PDZD2: variants seen among roughly 807,000 people sequenced by gnomAD.
The protein encoded by PDZD2 is PDZ domain containing 2.
In PDZD2, 90 loss-of-function variants were observed where a neutral mutation model predicts 220.7. The ratio of observed to expected loss-of-function variants is 0.41; its 90% confidence interval spans 0.34 to 0.49. The LOEUF is 0.49. Among genes scored for constraint, PDZD2 ranks in the 20% least tolerant of loss-of-function variants. The probability of loss-of-function intolerance (pLI) is 0.28; values close to 1 mark genes in which losing one functional copy is unlikely to be tolerated. For missense variants in PDZD2, 3,174 were observed against 3,608.5 expected (o/e 0.88, Z 3.08); for synonymous variants, 1,375 against 1,450.5 (o/e 0.95, Z 1.18).
At chr5:31,640,037 TCTCTG>T (rs1744888823) in intron 1 of PDZD2, among the ~76,000 whole-genome samples, 1 of 145,830 alleles carries the variant, frequency 6.9e-6, no homozygotes, top group Non-Finnish European at 1.5e-5. Context: ...TCCTGCTCTC[TCTCTG>T]AAGTCGAGTT....
intron 24 of PDZD2, among the ~76,000 whole-genome samples, chr5:32,104,309 G>A (rs1395504110): frequency 1.3e-5 from 2 of 152,002 alleles, no homozygotes; most frequent in African/African-American, 4.8e-5. Flanking sequence ...AATATAGCAA[G>A]ACTGATTTCT....
chr5:31,701,668 G>T (rs1353308251), intron 1 of PDZD2, among the ~76,000 whole-genome samples: 1 of 152,100 alleles, frequency 6.6e-6, no homozygotes, highest in Admixed American at 6.5e-5. Context: ...TGTGCATGGG[G>T]CGACCAGTCC....
intron 2 of PDZD2, among the ~76,000 whole-genome samples, chr5:31,919,489 G>A (rs1285376133): frequency 6.6e-6 from 1 of 151,954 alleles, no homozygotes; most frequent in Non-Finnish European, 1.5e-5. Flanking sequence ...TAGGATTACA[G>A]GCACACGCCA....
chr5:31,698,405 T>C (rs1447910981), intron 1 of PDZD2, among the ~76,000 whole-genome samples: 2 of 147,080 alleles, frequency 1.4e-5, no homozygotes, highest in Admixed American at 6.8e-5. Context: ...ACCATCCTGG[T>C]TAACACGGTG....
At chr5:31,968,066 T>G (rs66819843) in intron 2 of PDZD2, among the ~76,000 whole-genome samples, 2 of 152,008 alleles carry the variant, frequency 1.3e-5, no homozygotes. Flanking sequence ...GCAAAAGTAT[T>G]TGGAGGTGAG....
intron 1 of PDZD2, among the ~76,000 whole-genome samples, chr5:31,768,172 A>C (rs556255983): frequency 6.6e-6 from 1 of 152,290 alleles, no homozygotes; most frequent in South Asian, 2.1e-4. Flanking sequence ...AGGTTTAGCA[A>C]CAGCACGCTG....
At chr5:31,937,575 A>T (rs1745868758) in intron 2 of PDZD2, among the ~76,000 whole-genome samples, 1 of 152,044 alleles carries the variant, frequency 6.6e-6, no homozygotes. Flanking sequence ...GGGCTGGGGG[A>T]TGGCTGTGTT....
At chr5:31,711,319 G>A (rs1052441911) in intron 1 of PDZD2, among the ~76,000 whole-genome samples, 2 of 152,156 alleles carry the variant, frequency 1.3e-5, no homozygotes, top group African/African-American at 4.8e-5. Flanking sequence ...ACTGTGCCCC[G>A]AGCTACTGTG....
intron 2 of PDZD2, among the ~76,000 whole-genome samples, chr5:31,967,049 T>C (rs1748824460): frequency 6.6e-6 from 1 of 152,182 alleles, no homozygotes; most frequent in African/African-American, 2.4e-5. Flanking sequence ...GTGAAGTAAA[T>C]TCAGAAAAGA....
intron 2 of PDZD2, among the ~76,000 whole-genome samples, chr5:31,975,043 A>C (rs1749625542): frequency 6.6e-6 from 1 of 152,266 alleles, no homozygotes; most frequent in African/African-American, 2.4e-5. Flanking sequence ...TTATTTCTTC[A>C]CTCAGCGTGT....
At chr5:31,854,830 A>T in intron 2 of PDZD2, 1 of 262,476 alleles carries the variant, frequency 3.8e-6, no homozygotes, top group Non-Finnish European at 5.9e-6. Context: ...TGGGGTTTTG[A>T]CAAGTGAGCA....
chr5:31,908,535 C>T, intron 2 of PDZD2: 1 of 1,058,838 alleles, frequency 9.4e-7, no homozygotes, highest in Non-Finnish European at 1.4e-6. Flanking sequence ...AGGGCGAGGG[C>T]ACGGAAAGCA....
chr5:31,920,965 C>T (rs918707192), intron 2 of PDZD2, among the ~76,000 whole-genome samples: 9 of 152,174 alleles, frequency 5.9e-5, no homozygotes, highest in African/African-American at 1.9e-4. Context: ...TTTTCAGTGT[C>T]ATGTAATACT....
At chr5:32,040,102 T>A in intron 7 of PDZD2, among the ~76,000 whole-genome samples, 1 of 140,642 alleles carries the variant, frequency 7.1e-6, no homozygotes. Flanking sequence ...TGCCACCCCA[T>A]CTGGGAAATG....
At chr5:31,687,582 C>T (rs573018823) in intron 1 of PDZD2, among the ~76,000 whole-genome samples, 147 of 152,300 alleles carry the variant, frequency 9.7e-4, no homozygotes, top group African/African-American at 3.4e-3. Context: ...GTTACAGCAG[C>T]ACCCCACTTC....
chr5:31,834,644 A>T (rs1756832726), intron 2 of PDZD2, among the ~76,000 whole-genome samples: 1 of 150,464 alleles, frequency 6.6e-6, no homozygotes, highest in Non-Finnish European at 1.5e-5. Flanking sequence ...AGATGACCTC[A>T]GCTTGTGGAG....
At chr5:31,709,001 C>T (rs1747960335) in intron 1 of PDZD2, among the ~76,000 whole-genome samples, 1 of 151,924 alleles carries the variant, frequency 6.6e-6, no homozygotes, top group Non-Finnish European at 1.5e-5. Context: ...GATTCTCCTG[C>T]CTCAGCCTCC....
chr5:31,650,474 T>A (rs1410555743), intron 1 of PDZD2, among the ~76,000 whole-genome samples: 1 of 151,998 alleles, frequency 6.6e-6, no homozygotes, highest in Non-Finnish European at 1.5e-5. Context: ...ACTAATTCAT[T>A]TTCCCGCTCA....
chr5:31,754,847 C>G (rs1313919327), intron 1 of PDZD2, among the ~76,000 whole-genome samples: 3 of 152,164 alleles, frequency 2.0e-5, no homozygotes, highest in Admixed American at 2.0e-4. Flanking sequence ...AATGCATAAC[C>G]TAAGTGTTTC....
Sources: gnomAD v4.1 joint callset for allele counts (sites outside exome capture counted in the v4.1 genomes callset) on GRCh38, gnomAD v4.1.1 for gene constraint, MANE v1.5 for transcripts, NCBI Gene and HGNC (gene_info 2026-07-23, HGNC 2026-07-21) for gene names.